Variants in FAAH2 observed in about 807,000 individuals in gnomAD.
FAAH2 encodes fatty-acid amide hydrolase 2.
FAAH2 carries 60 observed loss-of-function variants against 36.9 expected under a neutral mutation model. The observed-to-expected ratio is 1.63, with a 90% CI of 1.32 to 2.02. The LOEUF is 2.02. Ranked by LOEUF, FAAH2 falls within the 30% of genes most tolerant of loss-of-function variation. The pLI is 0.00. For missense variants in FAAH2, 689 were observed against 397.5 expected (o/e 1.73, Z -6.23); for synonymous variants, 214 against 143.8 (o/e 1.49, Z -3.49).
the FAAH2 span, among the ~76,000 whole-genome samples, chrX:57,232,408 T>C: frequency 3.6e-5 from 4 of 111,903 alleles, no homozygotes; most frequent in African/African-American, 9.8e-5. Flanking sequence ...AAATGGAAAG[T>C]AGTGACCTAC....
chrX:57,220,232 C>G, the FAAH2 span, among the ~76,000 whole-genome samples: 5 of 109,624 alleles, frequency 4.6e-5, no homozygotes, highest in East Asian at 1.4e-3. Context: ...CCCAAGCCTC[C>G]TCATTGTCTT....
the FAAH2 span, among the ~76,000 whole-genome samples, chrX:57,240,907 G>A: frequency 1.2e-4 from 14 of 112,216 alleles, 1 homozygote; most frequent in East Asian, 1.4e-3. Context: ...CACACTGGCC[G>A]CATCCTACAG....
At chrX:57,426,921 A>G (rs927987620) in intron 7 of FAAH2, among the ~76,000 whole-genome samples, 6 of 111,386 alleles carry the variant, frequency 5.4e-5, no homozygotes, top group Non-Finnish European at 1.1e-4. Flanking sequence ...TGAAATTTAG[A>G]GCAAATAAAC....
intron 10 of FAAH2, among the ~76,000 whole-genome samples, chrX:57,481,307 G>A (rs1333445487): frequency 9.0e-6 from 1 of 110,762 alleles, no homozygotes; most frequent in Admixed American, 9.6e-5. Flanking sequence ...GCAATCTTTT[G>A]GAGAAGAGGC....
chrX:57,447,590 T>G (rs1302096540), intron 9 of FAAH2, among the ~76,000 whole-genome samples: 1 of 112,459 alleles, frequency 8.9e-6, no homozygotes, highest in Non-Finnish European at 1.9e-5. Context: ...TCTTGATTTT[T>G]GTTCACCCAC....
At chrX:57,275,460 C>T in the FAAH2 span, among the ~76,000 whole-genome samples, 2 of 112,121 alleles carry the variant, frequency 1.8e-5, no homozygotes, top group Admixed American at 9.5e-5. Context: ...GTACCAGCCA[C>T]TGCAAAAACA....
At chrX:57,478,985 C>T (rs2057325073) in intron 10 of FAAH2, among the ~76,000 whole-genome samples, 2 of 111,048 alleles carry the variant, frequency 1.8e-5, no homozygotes, top group Non-Finnish European at 1.9e-5. Context: ...TTTTTTGGTT[C>T]CATATGAACT....
chrX:57,239,149 T>A, the FAAH2 span, among the ~76,000 whole-genome samples: 29 of 111,843 alleles, frequency 2.6e-4, no homozygotes, highest in Admixed American at 8.5e-4. Context: ...TTGGAATAGT[T>A]TCAGTGGCAA....
rs142341984 is a variant in FAAH2 at position 57,302,130 on chromosome X, C to T, written c.276-8463C>T. On this transcript the variant is annotated intron_variant, in intron 2 of 10. Coordinates refer to ENST00000374900, the MANE Select transcript of FAAH2 (RefSeq NM_174912.4). ...CTGTGAATGACATAGAAAATGGTCA[C>T]GGCAAACTTTCTGGGAGCCCTAGAG... is the stretch of plus-strand genomic sequence containing the variant. Among the ~76,000 whole-genome samples the T allele has an allele frequency of 9.9e-4, 111 of 111,592 alleles. 3 individuals are homozygous for T. The East Asian group carries it at 0.029, about 29-fold the overall frequency.
chrX:57,319,061 A>G (rs1199858841), intron 3 of FAAH2, among the ~76,000 whole-genome samples: 1 of 111,940 alleles, frequency 8.9e-6, no homozygotes, highest in Non-Finnish European at 1.9e-5. Context: ...CACAGCCAAT[A>G]TCATACTAAA....
chrX:57,275,380 G>C, the FAAH2 span, among the ~76,000 whole-genome samples: 1 of 112,212 alleles, frequency 8.9e-6, no homozygotes, highest in Non-Finnish European at 1.9e-5. Flanking sequence ...GCTCTTCTAG[G>C]GTTGGGCTCC....
chrX:57,126,903 TATG>T, the FAAH2 span: 1 of 111,613 alleles, frequency 9.0e-6, no homozygotes, highest in Non-Finnish European at 1.9e-5. Context: ...TATATCTTTA[TATG>T]ACCTTTGGAA....
At chrX:57,144,923 T>TAC in the FAAH2 span, among the ~76,000 whole-genome samples, 1,284 of 105,320 alleles carry the variant, frequency 0.012, 10 homozygotes, top group African/African-American at 0.027. Context: ...TGTGTGTGCA[T>TAC]ACACACACAC....
At chrX:57,139,417 G>T in the FAAH2 span, among the ~76,000 whole-genome samples, 1 of 111,664 alleles carries the variant, frequency 9.0e-6, no homozygotes, top group African/African-American at 3.3e-5. Context: ...CTATTCATAT[G>T]CCAGTACCAT....
chrX:57,395,269 C>A (rs1261617066), intron 7 of FAAH2: 33 of 649,897 alleles, frequency 5.1e-5, no homozygotes, highest in Non-Finnish European at 7.8e-5. Context: ...AGATTGGAAT[C>A]ATCTCTGTTG....
At chrX:57,349,452 CAT>C (rs1296356852) in intron 5 of FAAH2, among the ~76,000 whole-genome samples, 2 of 94,620 alleles carry the variant, frequency 2.1e-5, no homozygotes, top group African/African-American at 7.9e-5. Flanking sequence ...CACATAGATA[CAT>C]ATATATACAT....
chrX:57,385,089 T>G (rs1292818878), intron 7 of FAAH2, among the ~76,000 whole-genome samples: 1 of 109,618 alleles, frequency 9.1e-6, no homozygotes, highest in Non-Finnish European at 1.9e-5. Flanking sequence ...ATGAGAATAC[T>G]TGGACACAGG....
chrX:57,184,906 C>T, the FAAH2 span, among the ~76,000 whole-genome samples: 4 of 111,466 alleles, frequency 3.6e-5, no homozygotes, highest in African/African-American at 1.3e-4. Flanking sequence ...AAATCTGCAA[C>T]AAAACAAGAT....
At chrX:57,262,027 A>G in the FAAH2 span, among the ~76,000 whole-genome samples, 1 of 109,388 alleles carries the variant, frequency 9.1e-6, no homozygotes, top group Non-Finnish European at 1.9e-5. Context: ...AACTGAGTCA[A>G]ATAATATAGG....
Sources: allele counts gnomAD v4.1 joint callset (sites outside exome capture counted in the v4.1 genomes callset), GRCh38; gene constraint gnomAD v4.1.1; transcripts MANE v1.5; gene names NCBI Gene and HGNC (gene_info 2026-07-23, HGNC 2026-07-21).